PPP2R3A: variants seen among roughly 807,000 people sequenced by gnomAD.
PPP2R3A encodes the protein protein phosphatase 2 regulatory subunit B''alpha.
Under a neutral mutation model 106.9 loss-of-function variants are expected in PPP2R3A, and 80 were observed. The ratio of observed to expected loss-of-function variants is 0.75; its 90% CI spans 0.62 to 0.90. The LOEUF (loss-of-function observed/expected upper bound fraction) is 0.90. Ranked by LOEUF, PPP2R3A falls within the 40% of genes least tolerant of loss-of-function variation. The pLI is 0.00. For synonymous variants in PPP2R3A, 483 were observed against 468.3 expected (o/e 1.03, Z -0.41); for missense variants, 1,386 against 1,350.4 (o/e 1.03, Z -0.41).
At chr3:136,104,224 A>G (rs1340061038) in intron 12 of PPP2R3A, among the ~76,000 whole-genome samples, 1 of 152,164 alleles carries the variant, frequency 6.6e-6, no homozygotes, top group Non-Finnish European at 1.5e-5. Flanking sequence ...ATCAAGTTGC[A>G]TTATCGCTGG....
In PPP2R3A at chr3:135,998,931, G is replaced by A. The variant is rs144863894; in HGVS notation, c.-440-2128G>A. On this transcript the variant is annotated intron_variant, in intron 1 of 13. Coordinates refer to ENST00000264977, the MANE Select transcript of PPP2R3A (RefSeq NM_002718.5). The stretch of plus-strand genomic sequence containing the variant: ...GTATATACATAAGAATATCAACAGT[G>A]TTTATTTCTGCTTGTGAATATTGTC... Among the ~76,000 whole-genome samples, 532 of 152,244 alleles carry A rather than the reference G, an allele frequency of 3.5e-3. 4 individuals are homozygous for A. Among genetic ancestry groups the A allele is most frequent in the African/African-American group, 0.012 (491 of 41,552 alleles).
intron 1 of PPP2R3A, among the ~76,000 whole-genome samples, chr3:135,983,463 A>G (rs1455038099): frequency 6.6e-6 from 1 of 152,220 alleles, no homozygotes; most frequent in Non-Finnish European, 1.5e-5. Flanking sequence ...AATGCTTAAT[A>G]CTAAAAAGAC....
chr3:136,000,400 A>C (rs1402553867), intron 1 of PPP2R3A, among the ~76,000 whole-genome samples: 1 of 152,186 alleles, frequency 6.6e-6, no homozygotes, highest in Non-Finnish European at 1.5e-5. Context: ...GTTCTTTAAA[A>C]AGAATGATTA....
intron 1 of PPP2R3A, among the ~76,000 whole-genome samples, chr3:135,976,058 G>T (rs1013561112): frequency 6.6e-6 from 1 of 152,052 alleles, no homozygotes; most frequent in African/African-American, 2.4e-5. Flanking sequence ...TTATTTTTCT[G>T]TCTGTTGGGT....
At chr3:136,130,133 C>T (rs569365562) in intron 13 of PPP2R3A, among the ~76,000 whole-genome samples, 2 of 152,222 alleles carry the variant, frequency 1.3e-5, no homozygotes, top group East Asian at 3.9e-4. Flanking sequence ...TCTAACCACT[C>T]CTATTCAACA....
intron 5 of PPP2R3A, among the ~76,000 whole-genome samples, chr3:136,058,218 G>A (rs1204037430): frequency 6.6e-6 from 1 of 152,094 alleles, no homozygotes; most frequent in Non-Finnish European, 1.5e-5. Flanking sequence ...AGGGCATCAG[G>A]AAGTCACACT....
chr3:136,041,108 A>G (rs1935252459), intron 4 of PPP2R3A, 146 bp downstream of exon 4: 1 of 574,956 alleles, frequency 1.7e-6, no homozygotes, highest in East Asian at 3.3e-5. Flanking sequence ...ATTTACAACC[A>G]TTTATACTCA....
intron 13 of PPP2R3A, among the ~76,000 whole-genome samples, chr3:136,110,422 G>A (rs796210376): frequency 6.5e-4 from 99 of 152,176 alleles, no homozygotes; most frequent in African/African-American, 2.3e-3. Flanking sequence ...TGCAGCCATT[G>A]GACTGAATAA....
chr3:136,069,993 C>T (rs115102477), intron 5 of PPP2R3A, among the ~76,000 whole-genome samples: 1 of 152,284 alleles, frequency 6.6e-6, no homozygotes, highest in African/African-American at 2.4e-5. Context: ...CTGGCTTGCA[C>T]AGCTTAACAA....
chr3:135,978,411 A>C (rs1356354327), intron 1 of PPP2R3A, among the ~76,000 whole-genome samples: 3 of 151,822 alleles, frequency 2.0e-5, no homozygotes, highest in South Asian at 2.1e-4. Context: ...GTATTAAATA[A>C]TTAGGAAGTG....
At chr3:135,978,024 A>G (rs972915193) in intron 1 of PPP2R3A, among the ~76,000 whole-genome samples, 3 of 152,054 alleles carry the variant, frequency 2.0e-5, no homozygotes, top group Admixed American at 1.3e-4. Context: ...ATAAAACATC[A>G]AGATATATCT....
intron 6 of PPP2R3A, among the ~76,000 whole-genome samples, chr3:136,077,924 C>T (rs1446642752): frequency 6.6e-6 from 1 of 152,150 alleles, no homozygotes; most frequent in African/African-American, 2.4e-5. Context: ...GTGAATAAGG[C>T]TATAATAACC....
At position 136,001,040 on chromosome 3, in the gene PPP2R3A, A is replaced by T. The variant is rs958326385; in HGVS notation, c.-440-19A>T. ...CCAGCATTAAAAAAATTTCCTTTTA[A>T]TTTTTTTTTTTATTACAGGTTTCTC... On this transcript the variant is annotated intron_variant, in intron 1 of 13. Transcript: ENST00000264977. 1.1e-5 allele frequency: 4 copies of T among 350,134 alleles called. No individual in the cohort carries two copies. The highest frequency in any genetic ancestry group is 2.0e-5 in the Non-Finnish European group (4 of 197,642). 21.7% of individuals were successfully genotyped at this position (350,134 alleles called of 1,614,324 possible).
rs150089567 is a variant in PPP2R3A at position 136,126,427 on chromosome 3, C to T, written c.3330-18616C>T. On this transcript the variant is annotated intron_variant, in intron 13 of 13. Coordinates refer to ENST00000264977, the MANE Select transcript of PPP2R3A (RefSeq NM_002718.5). ...GTAGCTGGGCTGGGGGAGGGTTATC[C>T]GCCATTCCTGAGGCTTGAGTAGGTA... Among the ~76,000 whole-genome samples, 634 of 152,264 alleles carry T rather than the reference C, an allele frequency of 4.2e-3. 5 individuals are homozygous for T. Among genetic ancestry groups the T allele is most frequent in the African/African-American group, 0.012 (514 of 41,548 alleles).
At chr3:136,136,071 AAATTATAT>A (rs1361276293) in intron 13 of PPP2R3A, among the ~76,000 whole-genome samples, 15 of 23,466 alleles carry the variant, frequency 6.4e-4, no homozygotes, top group Non-Finnish European at 1.5e-3. Context: ...AAAAAAAAAA[AAATTATAT>A]ATATATATAT....
At chr3:136,040,369 A>G (rs1279021419) in intron 3 of PPP2R3A, among the ~76,000 whole-genome samples, 1 of 152,074 alleles carries the variant, frequency 6.6e-6, no homozygotes, top group Non-Finnish European at 1.5e-5. Context: ...GTGAAATTCC[A>G]TCTCTACTAA....
chr3:136,028,913 C>T (rs759271798), intron 3 of PPP2R3A, among the ~76,000 whole-genome samples: 11 of 152,038 alleles, frequency 7.2e-5, no homozygotes, highest in East Asian at 1.9e-4. Flanking sequence ...AGTGCAATGG[C>T]GCTATCTCGG....
At chr3:136,021,228 A>G (rs976726650) in intron 2 of PPP2R3A, among the ~76,000 whole-genome samples, 4 of 152,088 alleles carry the variant, frequency 2.6e-5, no homozygotes, top group Admixed American at 1.3e-4. Context: ...AGTGTAAGGA[A>G]AAAATATGGG....
chr3:136,063,025 A>G (rs1378077122), intron 5 of PPP2R3A, among the ~76,000 whole-genome samples: 6 of 152,332 alleles, frequency 3.9e-5, no homozygotes, highest in African/African-American at 7.2e-5. Flanking sequence ...AAACTATACT[A>G]CAAGGCTACA....
Sources: allele counts gnomAD v4.1 joint callset (sites outside exome capture counted in the v4.1 genomes callset), GRCh38; gene constraint gnomAD v4.1.1; transcripts MANE v1.5; gene names NCBI Gene and HGNC (gene_info 2026-07-23, HGNC 2026-07-21).